PHF14: variants seen among roughly 807,000 people sequenced by gnomAD.
The protein encoded by PHF14 is PHD finger protein 14.
In PHF14, 55 loss-of-function variants were observed where a neutral mutation model predicts 117.9. The observed-to-expected ratio is 0.47, with a 90% confidence interval of 0.38 to 0.58. The LOEUF (loss-of-function observed/expected upper bound fraction) is 0.58, where lower values mean the gene tolerates loss of function less well. PHF14 is among the 20% of genes least tolerant of loss of function. The pLI is 0.00. For missense variants in PHF14, 978 were observed against 1,122.2 expected (o/e 0.87, Z 1.84); for synonymous variants, 409 against 368.6 (o/e 1.11, Z -1.26).
intron 16 of PHF14, chr7:11,109,824 A>G (rs1315178538): frequency 6.6e-6 from 1 of 151,868 alleles, no homozygotes; most frequent in African/African-American, 2.4e-5. Flanking sequence ...GTCCTATTTG[A>G]TTTTATCTAT....
intron 4 of PHF14, among the ~76,000 whole-genome samples, chr7:10,993,445 C>G (rs1782530087): frequency 6.6e-6 from 1 of 152,086 alleles, no homozygotes; most frequent in Non-Finnish European, 1.5e-5. Flanking sequence ...GGGAATATCT[C>G]CAGTTACTGT....
At chr7:11,018,004 T>C (rs1237094687) in intron 5 of PHF14, among the ~76,000 whole-genome samples, 2 of 152,162 alleles carry the variant, frequency 1.3e-5, no homozygotes, top group Non-Finnish European at 2.9e-5. Context: ...TCCAGCACCA[T>C]TTGTTGAAGA....
At chr7:11,013,412 T>G (rs1583365568) in intron 4 of PHF14, among the ~76,000 whole-genome samples, 1 of 152,164 alleles carries the variant, frequency 6.6e-6, no homozygotes, top group Admixed American at 6.5e-5. Flanking sequence ...TCTGCCCACC[T>G]CGGCCTCCCA....
At chr7:11,162,740 C>T (rs1402267304) in intron 17 of PHF14, among the ~76,000 whole-genome samples, 2 of 140,736 alleles carry the variant, frequency 1.4e-5, no homozygotes, top group African/African-American at 2.7e-5. Context: ...TCGGTCTTGT[C>T]GCCCAGGCTG....
chr7:11,124,093 AG>A lies in PHF14; in HGVS notation c.2772+12628del, dbSNP rs1787853276. Among the ~76,000 whole-genome samples, 3 of 152,154 alleles carry A rather than the reference AG, an allele frequency of 2.0e-5. No individual in the cohort carries two copies. The East Asian group carries it at 5.8e-4, about 29-fold the overall frequency. ...CACTTTTCTGAAGAAAGTTGGTATC[AG>A]GAAAAAAAAATACACTTTGGGGTTT... is the stretch of plus-strand genomic sequence containing the variant. On this transcript the variant is annotated intron_variant, in intron 17 of 17. Transcript: ENST00000634607.
intron 17 of PHF14, among the ~76,000 whole-genome samples, chr7:11,165,952 G>A (rs1327048634): frequency 1.3e-5 from 2 of 152,148 alleles, no homozygotes; most frequent in South Asian, 2.1e-4. Flanking sequence ...GTCCATCTGT[G>A]CCTAGAAATT....
intron 16 of PHF14, among the ~76,000 whole-genome samples, chr7:11,067,037 C>T (rs75431535): frequency 1.7e-4 from 26 of 152,072 alleles, no homozygotes; most frequent in Non-Finnish European, 3.7e-4. Flanking sequence ...AAAGGTTAAC[C>T]CATAGGATAG....
intron 4 of PHF14, among the ~76,000 whole-genome samples, chr7:11,004,162 G>A (rs796262051): frequency 5.4e-5 from 8 of 148,806 alleles, no homozygotes; most frequent in African/African-American, 2.0e-4. Context: ...GCAGAGGATC[G>A]CTTGAGCCAG....
chr7:11,127,860 C>G (rs1284101175), intron 17 of PHF14, among the ~76,000 whole-genome samples: 1 of 152,020 alleles, frequency 6.6e-6, no homozygotes, highest in Non-Finnish European at 1.5e-5. Context: ...AGTCCTAAAT[C>G]AAATATCCTA....
intron 16 of PHF14, among the ~76,000 whole-genome samples, chr7:11,077,934 C>A (rs1014917221): frequency 2.6e-4 from 39 of 152,172 alleles, no homozygotes; most frequent in African/African-American, 8.9e-4. Flanking sequence ...CTTCTCTCTT[C>A]AGCGTGCATG....
chr7:11,053,091 A>AT (rs1263702218), intron 14 of PHF14, among the ~76,000 whole-genome samples: 1 of 152,066 alleles, frequency 6.6e-6, no homozygotes, highest in Non-Finnish European at 1.5e-5. Context: ...ATACAAAGAT[A>AT]TTTTTAGGGT....
intron 16 of PHF14, among the ~76,000 whole-genome samples, chr7:11,070,401 A>G (rs1045404697): frequency 7.2e-5 from 11 of 152,188 alleles, no homozygotes; most frequent in African/African-American, 2.4e-5. Flanking sequence ...CAAGGAATGT[A>G]TTGATTTCAT....
At position 10,974,021 on chromosome 7, in the gene PHF14, G is replaced by T; in HGVS notation, c.-303G>T. On this transcript the variant is annotated 5_prime_UTR_variant, in exon 1 of 18. Coordinates refer to ENST00000634607, the MANE Select transcript of PHF14 (RefSeq NM_001007157.2). ...TAATTTTTTTTCTTCTAGTTTTAAC[G>T]GGAGAAATTAACTCCCCGGGGCCGC... 2 of 354,606 alleles carry T rather than the reference G, an allele frequency of 5.6e-6. No homozygotes were observed. The highest frequency in any genetic ancestry group is 5.2e-6 in the Non-Finnish European group (1 of 192,666). 22.0% of individuals were successfully genotyped at this position (354,606 alleles called of 1,614,324 possible). A position where few individuals can be genotyped will look rare whatever the true frequency, so the allele number is the denominator to read the frequency against.
At chr7:11,085,581 C>T (rs1275589952) in intron 16 of PHF14, among the ~76,000 whole-genome samples, 1 of 152,172 alleles carries the variant, frequency 6.6e-6, no homozygotes, top group Non-Finnish European at 1.5e-5. Flanking sequence ...TATTTGGCCT[C>T]GTTTCAACAT....
Position 11,096,543 on chromosome 7 carries a change from G to A in PHF14, c.2655-14807G>A, listed in dbSNP as rs139672619. On this transcript the variant is annotated intron_variant, in intron 16 of 17. Coordinates refer to ENST00000634607, the MANE Select transcript of PHF14 (RefSeq NM_001007157.2). ...GGATGCCATTTTCCAGTTCATTTACGGGTATTTCATATCGTATGTTGCTTT... is the reference window on the plus strand; with the variant it reads ...GGATGCCATTTTCCAGTTCATTTACAGGTATTTCATATCGTATGTTGCTTT... 1.2e-4 allele frequency among the ~76,000 whole-genome samples: 19 copies of A among 152,136 alleles called. No homozygotes were observed. The East Asian group carries it at 2.1e-3, about 17-fold the overall frequency.
chr7:10,987,068 G>A (rs2086593391), intron 3 of PHF14, among the ~76,000 whole-genome samples: 1 of 152,126 alleles, frequency 6.6e-6, no homozygotes, highest in South Asian at 2.1e-4. Context: ...GAATTAAAAT[G>A]TAAATGTTTT....
chr7:11,105,725 C>T (rs1033679969), intron 16 of PHF14: 1 of 984,594 alleles, frequency 1.0e-6, no homozygotes, highest in Non-Finnish European at 1.2e-6. Context: ...GCCTCTTTCC[C>T]ATAGTGCTCA....
intron 3 of PHF14, among the ~76,000 whole-genome samples, chr7:10,985,171 A>G (rs571816889): frequency 6.6e-6 from 1 of 152,226 alleles, no homozygotes; most frequent in East Asian, 1.9e-4. Context: ...GTATGATCTT[A>G]ATTTTGTGAA....
At chr7:11,009,253 T>C (rs879685234) in intron 4 of PHF14, among the ~76,000 whole-genome samples, 1 of 152,150 alleles carries the variant, frequency 6.6e-6, no homozygotes, top group African/African-American at 2.4e-5. Flanking sequence ...GTTACACAGC[T>C]AGAAGATGGA....
Sources: gnomAD v4.1 joint callset for allele counts (sites outside exome capture counted in the v4.1 genomes callset) on GRCh38, gnomAD v4.1.1 for gene constraint, MANE v1.5 for transcripts, NCBI Gene and HGNC (gene_info 2026-07-23, HGNC 2026-07-21) for gene names.